Variants in LSM3 observed in about 807,000 individuals in gnomAD.
LSM3 encodes U6 snRNA-associated Sm-like protein LSm3.
In LSM3, 14 loss-of-function variants were observed where a neutral mutation model predicts 15.4. That is an observed-to-expected ratio of 0.91 (90% CI 0.60 to 1.42). The LOEUF is 1.42. Among genes scored for constraint, LSM3 ranks in the 40% most tolerant of loss-of-function variants. LSM3 has a pLI of 0.00. For synonymous variants in LSM3, 46 were observed against 45.1 expected, an observed-to-expected ratio of 1.02 and a Z score of -0.08; for missense variants, 88 against 127.9, an observed-to-expected ratio of 0.69 and a Z score of 1.50.
intron 3 of LSM3, among the ~76,000 whole-genome samples, chr3:14,194,227 C>T (rs1697167612): frequency 6.6e-6 from 1 of 152,116 alleles, no homozygotes; most frequent in Non-Finnish European, 1.5e-5. Context: ...TCATTATACA[C>T]GGGGGTCAGG....
chr3:14,194,850 C>T (rs1357275318), intron 3 of LSM3, among the ~76,000 whole-genome samples: 3 of 141,754 alleles, frequency 2.1e-5, no homozygotes, highest in South Asian at 2.2e-4. Context: ...GTACTAGAGT[C>T]GCCTTCTTTC....
intron 3 of LSM3, among the ~76,000 whole-genome samples, chr3:14,184,701 G>T (rs1003425620): frequency 6.7e-6 from 1 of 149,462 alleles, no homozygotes; most frequent in Non-Finnish European, 1.5e-5. Flanking sequence ...AGCTTGCAGT[G>T]AGCCGAGATC....
At chr3:14,196,300 T>C (rs1697186728) in intron 3 of LSM3, among the ~76,000 whole-genome samples, 1 of 151,958 alleles carries the variant, frequency 6.6e-6, no homozygotes, top group Non-Finnish European at 1.5e-5. Context: ...AGATCAACGA[T>C]AGTGGGTGTT....
At chr3:14,184,288 A>G (rs1394143122) in intron 3 of LSM3, among the ~76,000 whole-genome samples, 1 of 152,188 alleles carries the variant, frequency 6.6e-6, no homozygotes, top group Non-Finnish European at 1.5e-5. Flanking sequence ...GAATACTACC[A>G]CTTACCTCAT....
At chr3:14,187,406 C>G (rs1243850735) in intron 3 of LSM3, among the ~76,000 whole-genome samples, 2 of 152,212 alleles carry the variant, frequency 1.3e-5, no homozygotes, top group African/African-American at 4.8e-5. Flanking sequence ...AGTTCTTTTT[C>G]ACATTGCCAT....
intron 3 of LSM3, among the ~76,000 whole-genome samples, chr3:14,192,744 T>G (rs1049214423): frequency 3.3e-5 from 5 of 152,226 alleles, no homozygotes; most frequent in Non-Finnish European, 5.9e-5. Flanking sequence ...GCCAGTCTGT[T>G]TCTTTTAATT....
chr3:14,196,395 G>A (rs544751443), intron 3 of LSM3, among the ~76,000 whole-genome samples: 3 of 152,170 alleles, frequency 2.0e-5, no homozygotes, highest in East Asian at 1.9e-4. Flanking sequence ...GGACTGCCAC[G>A]TGACTTTCGG....
chr3:14,196,119 AT>A (rs1017334922), intron 3 of LSM3, among the ~76,000 whole-genome samples: 33 of 146,736 alleles, frequency 2.2e-4, no homozygotes, highest in East Asian at 1.4e-3. Context: ...CACCTGGCTA[AT>A]TTTTTTTTTT....
intron 3 of LSM3, among the ~76,000 whole-genome samples, chr3:14,190,319 A>G (rs1697127834): frequency 6.6e-6 from 1 of 152,140 alleles, no homozygotes; most frequent in African/African-American, 2.4e-5. Flanking sequence ...AGTTTTTTTC[A>G]ATTCTGTGAA....
chr3:14,184,039 C>T lies in LSM3; in HGVS notation c.228+7C>T. 1.2e-6 allele frequency: 2 copies of T among 1,600,484 alleles called. No individual in the cohort carries two copies. Among genetic ancestry groups the T allele is most frequent in the Non-Finnish European group, 1.7e-6 (2 of 1,175,742 alleles). ...ATATGAAGAGATATATAAAGTAAGT[C>T]ATGCAATTCTATTCATTGCTTTGCA... On this transcript the variant is annotated splice_region_variant and intron_variant, in intron 3 of 3. Coordinates refer to ENST00000306024, the MANE Select transcript of LSM3 (RefSeq NM_014463.3).
At chr3:14,189,972 G>A (rs991039934) in intron 3 of LSM3, among the ~76,000 whole-genome samples, 11 of 152,094 alleles carry the variant, frequency 7.2e-5, no homozygotes, top group Non-Finnish European at 1.3e-4. Context: ...GTTGATTTTT[G>A]TAAAAGGTGT....
Position 14,199,665 on chromosome 3 carries a change from C to T in LSM3, c.*1549C>T, listed in dbSNP as rs1422661949. 6.6e-6 allele frequency: 1 copy of T among 152,234 alleles called. No individual in the cohort carries two copies. The highest frequency in any genetic ancestry group is 6.5e-5 in the Admixed American group (1 of 15,288). 9.4% of individuals were successfully genotyped at this position (152,234 alleles called of 1,614,324 possible). A position where few individuals can be genotyped will look rare whatever the true frequency, so the allele number is the denominator to read the frequency against. ...CACCCTCCCTTCACTTGTGCCATCC[C>T]CACGCTTTGTCCTTAAGCTGTAGTG... On this transcript the variant is annotated 3_prime_UTR_variant, in exon 4 of 4. Coordinates refer to ENST00000306024, the MANE Select transcript of LSM3 (RefSeq NM_014463.3).
chr3:14,189,625 C>T (rs1331367902), intron 3 of LSM3, among the ~76,000 whole-genome samples: 1 of 152,092 alleles, frequency 6.6e-6, no homozygotes, highest in Non-Finnish European at 1.5e-5. Flanking sequence ...TCTTCATATC[C>T]TTTGCCCATT....
rs542717118 is a variant in LSM3, at chr3:14,194,202, A to G, written c.229-3834A>G. ...CTGTATGAGGTGTCTGTCGGCCCCA[A>G]CTGGGAGCTGACAGTCATTATACAC... On this transcript the variant is annotated intron_variant, in intron 3 of 3. Coordinates refer to ENST00000306024, the MANE Select transcript of LSM3 (RefSeq NM_014463.3). Among the ~76,000 whole-genome samples, 299 of 152,286 alleles carry G rather than the reference A, an allele frequency of 2.0e-3. 3 individuals are homozygous for G. The highest frequency in any genetic ancestry group is 6.8e-3 in the African/African-American group (282 of 41,550).
chr3:14,178,846 C>T lies in LSM3; in HGVS notation c.-15C>T, dbSNP rs765387022. The T allele has an allele frequency of 2.5e-6, 4 of 1,614,182 alleles. No homozygotes were observed. Among genetic ancestry groups the T allele is most frequent in the Non-Finnish European group, 3.4e-6 (4 of 1,180,028 alleles). The stretch of plus-strand genomic sequence containing the variant: ...TGTTCTCGCGAGAGGCGGGAAAGGG[C>T]GCAGGGTTTGAAACATGGCGGACGA... On this transcript the variant is annotated 5_prime_UTR_variant, in exon 1 of 4. Transcript: ENST00000306024.
At chr3:14,190,198 T>C (rs1413141302) in intron 3 of LSM3, among the ~76,000 whole-genome samples, 1 of 152,222 alleles carries the variant, frequency 6.6e-6, no homozygotes, top group Non-Finnish European at 1.5e-5. Context: ...TTGGTTACTG[T>C]AGCCTTGTAG....
At chr3:14,181,329 C>T (rs1215820108) in intron 1 of LSM3, among the ~76,000 whole-genome samples, 3 of 152,164 alleles carry the variant, frequency 2.0e-5, no homozygotes, top group Admixed American at 2.0e-4. Flanking sequence ...TGTGTTTTAA[C>T]CTACATTTAT....
chr3:14,187,948 T>G (rs905672995), intron 3 of LSM3, among the ~76,000 whole-genome samples: 6 of 152,202 alleles, frequency 3.9e-5, no homozygotes, highest in African/African-American at 1.4e-4. Context: ...GTGTACTACC[T>G]TCCTTCACCA....
chr3:14,180,933 C>T (rs966797040), intron 1 of LSM3, among the ~76,000 whole-genome samples: 1 of 149,356 alleles, frequency 6.7e-6, no homozygotes, highest in Non-Finnish European at 1.5e-5. Flanking sequence ...TCACTGCAAC[C>T]TCCACCTCGC....
Sources: allele counts gnomAD v4.1 joint callset (sites outside exome capture counted in the v4.1 genomes callset), GRCh38; gene constraint gnomAD v4.1.1; transcripts MANE v1.5; gene names NCBI Gene and HGNC (gene_info 2026-07-23, HGNC 2026-07-21).